The following CR1 variants were observed in gnomAD, a reference collection of about 807,000 sequenced individuals.
CR1 encodes the protein complement receptor type 1.
Under a neutral mutation model 187.3 loss-of-function variants are expected in CR1, and 116 were observed. The ratio of observed to expected loss-of-function variants is 0.62; its 90% confidence interval spans 0.53 to 0.72. The LOEUF (loss-of-function observed/expected upper bound fraction) is 0.72, where lower values mean the gene tolerates loss of function less well. Among genes scored for constraint, CR1 ranks in the 30% least tolerant of loss-of-function variants. CR1 has a pLI of 0.00. For synonymous variants in CR1, 576 were observed against 747.1 expected (o/e 0.77, Z 3.73); for missense variants, 1,731 against 2,110.7 (o/e 0.82, Z 3.52).
intron 3 of CR1, 23 bp downstream of exon 3, chr1:207,506,836 A>G (rs1279837063): frequency 6.3e-7 from 1 of 1,583,130 alleles, no homozygotes; most frequent in Admixed American, 1.7e-5. Flanking sequence ...CTCTTGAACC[A>G]ACATCTCTTG....
At chr1:207,601,463 A>G (rs1448841610) in intron 35 of CR1, among the ~76,000 whole-genome samples, 8 of 152,086 alleles carry the variant, frequency 5.3e-5, no homozygotes, top group Non-Finnish European at 7.4e-5. Context: ...GGATATGGTA[A>G]TTCTGTTTAA....
At chr1:207,612,824 C>T (rs1400875444) in intron 39 of CR1, among the ~76,000 whole-genome samples, 9 of 152,344 alleles carry the variant, frequency 5.9e-5, no homozygotes, top group East Asian at 3.9e-4. Context: ...CCAGGCATGT[C>T]GCACTGAAGG....
rs1662031645 is a variant in CR1 at position 207,614,385 on chromosome 1, C to T, written c.6576-19C>T. On this transcript the variant is annotated intron_variant, in intron 39 of 46. Transcript: ENST00000367049. ...ATGGGAATTGCTCACACATTTGCTA[C>T]CACTTTTTTTTTCTTTAGGTTCCGA... 2 of 1,599,170 alleles carry T rather than the reference C, an allele frequency of 1.3e-6. No individual in the cohort carries two copies. The highest frequency in any genetic ancestry group is 1.7e-5 in the Admixed American group (1 of 59,736).
At chr1:207,573,570 A>G (rs1660643704) in intron 27 of CR1, among the ~76,000 whole-genome samples, 1 of 151,982 alleles carries the variant, frequency 6.6e-6, no homozygotes, top group Non-Finnish European at 1.5e-5. Flanking sequence ...AAATTTTACA[A>G]AAGAGATTTA....
At position 207,581,991 on chromosome 1, in the gene CR1, C is replaced by T. The variant is rs999675652; in HGVS notation, c.5290C>T (p.Pro1764Ser). The part of the protein sequence containing the change: ...GMRSLWNNSV[P>S]VCEHIFCPNP... ...GAGAAGCCTTTGGAATAACAGTGTT[C>T]CTGTGTGTGAACGTGAGTAGATGGA... Residue 1764 changes from proline to serine, a missense_variant, in exon 32 of 47, where the codon CCT becomes TCT. Pro to Ser is a moderately conservative substitution (Grantham distance 74, BLOSUM62 -1). Coordinates refer to ENST00000367049, the MANE Select transcript of CR1 (RefSeq NM_000651.6). 3.7e-6 allele frequency: 6 copies of T among 1,611,142 alleles called. No individual in the cohort carries two copies. In the Admixed American group the frequency reaches 5.0e-5, roughly 13 times the overall value.
intron 29 of CR1, 48 bp from the exon 30 acceptor site, chr1:207,580,192 G>A (rs760473842): frequency 6.3e-7 from 1 of 1,599,582 alleles, no homozygotes; most frequent in South Asian, 1.1e-5. Flanking sequence ...GGAAGCATAG[G>A]AAATTCCCCC....
chr1:207,617,535 GTGTA>G (rs1357988151), intron 41 of CR1, among the ~76,000 whole-genome samples: 8 of 104,734 alleles, frequency 7.6e-5, no homozygotes, highest in Admixed American at 3.0e-4. Flanking sequence ...GTGTGTGTGT[GTGTA>G]TGTGTGTATA....
chr1:207,510,926 A>G (rs1474396142), intron 3 of CR1, among the ~76,000 whole-genome samples: 1 of 151,528 alleles, frequency 6.6e-6, no homozygotes, highest in Non-Finnish European at 1.5e-5. Flanking sequence ...GACTCAAGCG[A>G]TCTTCATGCC....
At chr1:207,497,034 G>GT (rs1659110116) in intron 1 of CR1, among the ~76,000 whole-genome samples, 1 of 152,162 alleles carries the variant, frequency 6.6e-6, no homozygotes, top group South Asian at 2.1e-4. Flanking sequence ...GCATGGAACT[G>GT]TCCTCGCCCC....
At chr1:207,511,837 C>G (rs1644274725) in intron 4 of CR1, among the ~76,000 whole-genome samples, 183 bp downstream of exon 4, 1 of 152,172 alleles carries the variant, frequency 6.6e-6, no homozygotes, top group South Asian at 2.1e-4. Flanking sequence ...TCTTCCTTAT[C>G]CTGGGATGTG....
chr1:207,601,267 G>C (rs1436212362), intron 35 of CR1, among the ~76,000 whole-genome samples: 1 of 151,982 alleles, frequency 6.6e-6, no homozygotes, highest in Non-Finnish European at 1.5e-5. Flanking sequence ...TTTAATACTT[G>C]ATAAAAATAT....
intron 45 of CR1, among the ~76,000 whole-genome samples, chr1:207,627,636 T>G (rs1428196322): frequency 1.3e-5 from 2 of 152,206 alleles, no homozygotes; most frequent in African/African-American, 2.4e-5. Context: ...TTAAGCTGGG[T>G]GCAGTGGTAC....
rs750014956 is a variant in CR1, at chr1:207,511,582, G to T, written c.415G>T (p.Gly139Cys). 12 of 1,613,094 alleles carry T rather than the reference G, an allele frequency of 7.4e-6. No individual in the cohort carries two copies. The Middle Eastern group carries it at 1.5e-3, about 199-fold the overall frequency. Residue 139 changes from glycine to cysteine, a missense_variant, in exon 4 of 47, where the codon GGT (glycine) becomes TGT (cysteine). By Grantham distance (159) the Gly-to-Cys change is radical (BLOSUM62 -3). This residue lies in a region of CR1 where 237 missense variants were observed against 240.4 expected (regional missense o/e 0.99). Coordinates refer to ENST00000367049, the MANE Select transcript of CR1 (RefSeq NM_000651.6). ...TTTTGCCTCTAGATACCGACTCATT[G>T]GTTCCTCGTCTGCCACATGCATCAT... Reference protein sequence around the residue: ...YSCTKGYRLIGSSSATCIISG... With the variant: ...YSCTKGYRLICSSSATCIISG...
intron 46 of CR1, among the ~76,000 whole-genome samples, chr1:207,634,408 C>T (rs991016547): frequency 7.9e-5 from 12 of 152,126 alleles, no homozygotes; most frequent in Non-Finnish European, 5.9e-5. Context: ...GCAAAATATG[C>T]TAGTCAAGAA....
chr1:207,524,437 G>T (rs1486807063), intron 5 of CR1, among the ~76,000 whole-genome samples: 1 of 152,020 alleles, frequency 6.6e-6, no homozygotes, highest in Non-Finnish European at 1.5e-5. Context: ...ACGTTGAACT[G>T]CTGTGGTGCC....
rs1423607858 is a variant in CR1, at chr1:207,500,359, G to T, written c.121+3971G>T. Among the ~76,000 whole-genome samples the T allele has an allele frequency of 3.3e-5, 5 of 152,184 alleles. No individual in the cohort carries two copies. The South Asian group carries it at 8.3e-4, about 25-fold the overall frequency. ...TTTTTAAACTGATAGAGGTGCCTAA[G>T]CAAAGCAAGTGCAAATCTATTCCTT... On this transcript the variant is annotated intron_variant, in intron 1 of 46. Transcript: ENST00000367049.
intron 24 of CR1, 120 bp downstream of exon 24, chr1:207,566,043 AGTTT>A: frequency 7.5e-7 from 1 of 1,341,568 alleles, no homozygotes. Context: ...ATTTAAAAAT[AGTTT>A]ATTTTAATAA....
At chr1:207,637,278 C>T (rs1178497084) in intron 46 of CR1, among the ~76,000 whole-genome samples, 5 of 152,294 alleles carry the variant, frequency 3.3e-5, no homozygotes, top group African/African-American at 1.2e-4. Flanking sequence ...CACTGGGACA[C>T]GACTGAGTTT....
At chr1:207,617,874 A>T (rs1483314023) in intron 41 of CR1, among the ~76,000 whole-genome samples, 197 bp from the exon 42 acceptor site, 3 of 151,800 alleles carry the variant, frequency 2.0e-5, no homozygotes, top group Admixed American at 2.0e-4. Flanking sequence ...TGTAGAGGAT[A>T]GTGTTTAAAT....
Sources: allele counts gnomAD v4.1 joint callset (sites outside exome capture counted in the v4.1 genomes callset), GRCh38; gene constraint gnomAD v4.1.1; regional missense constraint gnomAD v4.1.1; transcripts MANE v1.5; gene names NCBI Gene and HGNC (gene_info 2026-07-23, HGNC 2026-07-21).